The following RNF150 variants were observed in gnomAD, a reference collection of about 807,000 sequenced individuals.
RNF150 encodes the protein ring finger protein 150.
A neutral mutation model predicts 39.3 loss-of-function variants in RNF150; 24 were observed. The observed-to-expected ratio is 0.61, with a 90% confidence interval of 0.44 to 0.86. The LOEUF (loss-of-function observed/expected upper bound fraction) is 0.86. RNF150 is among the 40% of genes least tolerant of loss of function. RNF150 has a pLI of 0.00. For synonymous variants in RNF150, 255 were observed against 227.3 expected, an observed-to-expected ratio of 1.12 and a Z score of -1.10; for missense variants, 502 against 587.8, an observed-to-expected ratio of 0.85 and a Z score of 1.51.
intron 4 of RNF150, among the ~76,000 whole-genome samples, chr4:140,944,243 T>A (rs1048543880): frequency 6.6e-6 from 1 of 152,036 alleles, no homozygotes; most frequent in African/African-American, 2.4e-5. Flanking sequence ...CCCTAAAATA[T>A]AGTGTAATGC....
In RNF150 at chr4:140,866,174, G is replaced by A. The variant is rs779657057; in HGVS notation, c.*2087C>T. 7 of 152,200 alleles carry A rather than the reference G, an allele frequency of 4.6e-5. No individual in the cohort carries two copies. The highest frequency in any genetic ancestry group is 1.0e-4 in the Non-Finnish European group (7 of 68,040). 9.4% of individuals were successfully genotyped at this position (152,200 alleles called of 1,614,324 possible). On this transcript the variant is annotated 3_prime_UTR_variant, in exon 7 of 7. Transcript: ENST00000515673. Reference sequence around the variant, plus strand: ...ATTCTCAGCACCATAGTTGTGCCAAGTCTCAAAGGCTGTTATTACATGATA... The same window carrying A: ...ATTCTCAGCACCATAGTTGTGCCAAATCTCAAAGGCTGTTATTACATGATA...
At chr4:140,967,936 T>C (rs1733315660) in intron 1 of RNF150, 63 bp from the exon 2 acceptor site, 1 of 1,443,242 alleles carries the variant, frequency 6.9e-7, no homozygotes, top group East Asian at 2.3e-5. Context: ...GGGATCCCAG[T>C]GAGATGTGTG....
chr4:141,162,475 C>A (rs1440507146), intron 1 of RNF150, among the ~76,000 whole-genome samples: 1 of 151,998 alleles, frequency 6.6e-6, no homozygotes, highest in Non-Finnish European at 1.5e-5. Flanking sequence ...CTTTTGAGTT[C>A]ATGCTGGAAT....
At chr4:141,180,968 G>A (rs1401221161) in intron 1 of RNF150, among the ~76,000 whole-genome samples, 1 of 152,066 alleles carries the variant, frequency 6.6e-6, no homozygotes, top group African/African-American at 2.4e-5. Context: ...GAATCATTAT[G>A]GTGAGTTTTT....
At chr4:140,915,330 T>C (rs1730775143) in intron 5 of RNF150, among the ~76,000 whole-genome samples, 1 of 152,206 alleles carries the variant, frequency 6.6e-6, no homozygotes, top group African/African-American at 2.4e-5. Flanking sequence ...ATTTTCTAAT[T>C]GAGAAGGCTG....
At chr4:140,940,220 C>T (rs1732029918) in intron 4 of RNF150, among the ~76,000 whole-genome samples, 1 of 152,132 alleles carries the variant, frequency 6.6e-6, no homozygotes, top group Non-Finnish European at 1.5e-5. Flanking sequence ...GTTATCTTTG[C>T]TTGGAATGTT....
At position 140,949,380 on chromosome 4, in the gene RNF150, G is replaced by A. The variant is rs1206900718; in HGVS notation, c.736-8C>T. 1 of 1,611,190 alleles carries A rather than the reference G, an allele frequency of 6.2e-7. No individual in the cohort carries two copies. Among genetic ancestry groups the A allele is most frequent in the Admixed American group, 1.7e-5 (1 of 59,888 alleles). ...TGCATCCCCCAGTCGGCGCTGAAAA[G>A]CCAAAACGTGCTTGTTAATAATAAA... On this transcript the variant is annotated splice_polypyrimidine_tract_variant and splice_region_variant and intron_variant, in intron 2 of 6. Transcript: ENST00000515673.
At chr4:141,044,308 C>G in intron 1 of RNF150, among the ~76,000 whole-genome samples, 1 of 152,098 alleles carries the variant, frequency 6.6e-6, no homozygotes, top group East Asian at 1.9e-4. Context: ...ACTTAGTAGC[C>G]CATGAACAGA....
intron 1 of RNF150, among the ~76,000 whole-genome samples, chr4:141,040,717 A>G (rs943675172): frequency 6.6e-6 from 1 of 152,134 alleles, no homozygotes; most frequent in African/African-American, 2.4e-5. Flanking sequence ...GTGGTTTCCT[A>G]CCTATGAGCA....
At chr4:140,974,249 T>A (rs1020733353) in intron 1 of RNF150, among the ~76,000 whole-genome samples, 1 of 152,192 alleles carries the variant, frequency 6.6e-6, no homozygotes, top group African/African-American at 2.4e-5. Flanking sequence ...GAATGTTACA[T>A]AAACGGAATC....
At chr4:141,032,289 G>A (rs1285697654) in intron 1 of RNF150, among the ~76,000 whole-genome samples, 3 of 152,116 alleles carry the variant, frequency 2.0e-5, no homozygotes, top group Non-Finnish European at 2.9e-5. Context: ...GGGAACTTGA[G>A]GGAAATGGGA....
At chr4:141,074,041 G>C (rs1463281558) in intron 1 of RNF150, among the ~76,000 whole-genome samples, 1 of 152,216 alleles carries the variant, frequency 6.6e-6, no homozygotes, top group African/African-American at 2.4e-5. Context: ...TTGGTAGTTT[G>C]AAGGCAATGG....
chr4:140,989,398 G>A (rs1734119641), intron 1 of RNF150, among the ~76,000 whole-genome samples: 1 of 152,066 alleles, frequency 6.6e-6, no homozygotes, highest in Admixed American at 6.6e-5. Flanking sequence ...ACAGACCACA[G>A]AGTACTACTT....
intron 5 of RNF150, among the ~76,000 whole-genome samples, chr4:140,921,069 T>C (rs974983713): frequency 2.7e-5 from 4 of 150,246 alleles, no homozygotes; most frequent in Non-Finnish European, 5.9e-5. Flanking sequence ...TTAGGAGATA[T>C]ACCTAACGCT....
chr4:141,086,398 C>T (rs954150091), intron 1 of RNF150, among the ~76,000 whole-genome samples: 2 of 151,750 alleles, frequency 1.3e-5, no homozygotes, highest in Non-Finnish European at 2.9e-5. Flanking sequence ...AGTGGAATAC[C>T]CCTGTTAATA....
chr4:141,179,574 A>T (rs1393285431), intron 1 of RNF150, among the ~76,000 whole-genome samples: 1 of 152,010 alleles, frequency 6.6e-6, no homozygotes, highest in African/African-American at 2.4e-5. Context: ...ACCTTCTGTC[A>T]CTCCCACAAC....
At position 141,132,639 on chromosome 4, in the gene RNF150, G is replaced by A; in HGVS notation, c.170C>T (p.Ala57Val). The A allele has an allele frequency of 1.3e-6, 2 of 1,594,200 alleles. No individual in the cohort carries two copies. Among genetic ancestry groups the A allele is most frequent in the Non-Finnish European group, 1.7e-6 (2 of 1,171,544 alleles). The change falls in exon 1 of 7, where the codon GCC (alanine) becomes GTC (valine). Residue 57 changes from alanine to valine, a missense_variant. Transcript: ENST00000515673. The surrounding 1 kb of genome is among the most constrained non-coding windows in gnomAD (Gnocchi z 4.9). ...TYAEPAPDPG[A>V]GAAGGGGAEL... ...CGCGCCGCCGCCGCCCGCCGCCCCGGCCCCGGGGTCCGGCGCGGGCTCGGC... is the reference window on the plus strand; with the variant it reads ...CGCGCCGCCGCCGCCCGCCGCCCCGACCCCGGGGTCCGGCGCGGGCTCGGC...
intron 1 of RNF150, among the ~76,000 whole-genome samples, chr4:141,167,337 G>A (rs964895370): frequency 6.6e-5 from 10 of 152,136 alleles, no homozygotes; most frequent in Non-Finnish European, 1.5e-4. Context: ...TCATGGATTG[G>A]AAGAATCAAT....
intron 6 of RNF150, among the ~76,000 whole-genome samples, chr4:140,869,372 G>C (rs573144143): frequency 4.2e-4 from 64 of 152,308 alleles, no homozygotes; most frequent in Admixed American, 3.7e-3. Context: ...GTCATCTCTA[G>C]TGTTGGGATT....
Sources: gnomAD v4.1 joint callset for allele counts (sites outside exome capture counted in the v4.1 genomes callset) on GRCh38, gnomAD v4.1.1 for gene constraint, Gnocchi (gnomAD v3.1) non-coding constraint, MANE v1.5 for transcripts, NCBI Gene and HGNC (gene_info 2026-07-23, HGNC 2026-07-21) for gene names.